Variants in BRIP1 observed in about 807,000 individuals in gnomAD.
BRIP1 encodes BRCA1 interacting DNA helicase 1.
A neutral mutation model predicts 119.7 loss-of-function variants in BRIP1; 88 were observed. The observed-to-expected ratio is 0.74, with a 90% confidence interval of 0.62 to 0.88. The LOEUF (loss-of-function observed/expected upper bound fraction) is 0.88, where lower values mean the gene tolerates loss of function less well. Among genes scored for constraint, BRIP1 ranks in the 40% least tolerant of loss-of-function variants. The pLI is 0.00. For synonymous variants in BRIP1, 443 were observed against 496.5 expected, an observed-to-expected ratio of 0.89 and a Z score of 1.43; for missense variants, 1,259 against 1,455.4, an observed-to-expected ratio of 0.87 and a Z score of 2.20.
At chr17:61,782,718 CA>C (rs71150700) in intron 11 of BRIP1, among the ~76,000 whole-genome samples, 150,309 of 152,248 alleles carry the variant, frequency 0.99, 74,229 homozygotes, top group Non-Finnish European at 1. Context: ...GATATTTCTC[CA>C]AAAAAAGACA....
chr17:61,748,306 C>G lies in BRIP1; in HGVS notation c.2098-3715G>C, dbSNP rs865842714. Among the ~76,000 whole-genome samples the G allele has an allele frequency of 8.5e-5, 13 of 152,272 alleles. No homozygotes were observed. In the Middle Eastern group the frequency reaches 0.014, roughly 159 times the overall value. ...GAACAGTTTCATCCCGAAACCATCA[C>G]CCCCACCCCCAACCCAGGTCTGTGG... On this transcript the variant is annotated intron_variant, in intron 14 of 19. Coordinates refer to ENST00000259008, the MANE Select transcript of BRIP1 (RefSeq NM_032043.3). This position sits in a 1 kb window ranked among gnomAD's most constrained non-coding sequence, Gnocchi z 4.7.
At chr17:61,787,004 T>G (rs1182745147) in intron 10 of BRIP1, among the ~76,000 whole-genome samples, 2 of 116,872 alleles carry the variant, frequency 1.7e-5, no homozygotes, top group Admixed American at 1.0e-4. Context: ...ATAAATAATT[T>G]TATAAAATTA....
intron 14 of BRIP1, among the ~76,000 whole-genome samples, chr17:61,765,410 TATATATATATA>T (rs1257906195): frequency 1.0e-3 from 18 of 17,368 alleles, no homozygotes; most frequent in African/African-American, 2.7e-3. Context: ...TATATATATA[TATATATATATA>T]TATTTTTTTT....
At position 61,689,135 on chromosome 17, in the gene BRIP1, CCT is replaced by C. The variant is rs1293545418; in HGVS notation, c.2576-2972_2576-2971del. The stretch of plus-strand genomic sequence containing the variant: ...CTCGGCTCACTGAAACCTCCGCCTC[CCT>C]GATTCAAGCGATTCTCCTGCCTCGG... On this transcript the variant is annotated intron_variant, in intron 18 of 19. Coordinates refer to ENST00000259008, the MANE Select transcript of BRIP1 (RefSeq NM_032043.3). This position sits in a 1 kb window ranked among gnomAD's most constrained non-coding sequence, Gnocchi z 4.5. Among the ~76,000 whole-genome samples, 4 of 151,634 alleles carry C rather than the reference CCT, an allele frequency of 2.6e-5. No homozygotes were observed. The highest frequency in any genetic ancestry group is 9.7e-5 in the African/African-American group (4 of 41,168).
rs927542991 is a variant in BRIP1 at position 61,824,780 on chromosome 17, T to A, written c.628-16023A>T. On this transcript the variant is annotated intron_variant, in intron 6 of 19. Coordinates refer to ENST00000259008, the MANE Select transcript of BRIP1 (RefSeq NM_032043.3). This position sits in a 1 kb window ranked among gnomAD's most constrained non-coding sequence, Gnocchi z 4.3. ...GAAAATTAAAAACGTTTATGTATCA[T>A]AGACCACCATCAACAGAGTAAAAAT... Among the ~76,000 whole-genome samples the A allele has an allele frequency of 6.6e-6, 1 of 152,234 alleles. No homozygotes were observed. Among genetic ancestry groups the A allele is most frequent in the East Asian group, 1.9e-4 (1 of 5,196 alleles).
At chr17:61,694,378 C>T (rs2061493122) in intron 17 of BRIP1, among the ~76,000 whole-genome samples, 1 of 152,092 alleles carries the variant, frequency 6.6e-6, no homozygotes, top group African/African-American at 2.4e-5. Context: ...TTTCACTGAA[C>T]ATGATGTTTT....
In BRIP1 at chr17:61,839,172, A is replaced by G. The variant is rs1320923002; in HGVS notation, c.627+7929T>C. Reference sequence around the variant, plus strand: ...TTCTTATATTACATTCTTGGAAATAATTAGTCCTTGTTCTCTGAAAACCTA... The same window carrying G: ...TTCTTATATTACATTCTTGGAAATAGTTAGTCCTTGTTCTCTGAAAACCTA... On this transcript the variant is annotated intron_variant, in intron 6 of 19. Transcript: ENST00000259008. 2.0e-5 allele frequency among the ~76,000 whole-genome samples: 3 copies of G among 152,052 alleles called. No homozygotes were observed. The East Asian group carries it at 5.8e-4, about 29-fold the overall frequency.
intron 16 of BRIP1, among the ~76,000 whole-genome samples, chr17:61,737,801 A>G (rs1313037690): frequency 6.6e-6 from 1 of 152,200 alleles, no homozygotes; most frequent in Non-Finnish European, 1.5e-5. Context: ...GATAACTAAC[A>G]AATACCTTTT....
chr17:61,821,672 G>A (rs2078328232), intron 6 of BRIP1, among the ~76,000 whole-genome samples: 1 of 151,858 alleles, frequency 6.6e-6, no homozygotes, highest in African/African-American at 2.4e-5. Flanking sequence ...TGGGACTATA[G>A]GCACATGCTA....
At position 61,722,496 on chromosome 17, in the gene BRIP1, T is replaced by C. The variant is rs1441148279; in HGVS notation, c.2380-6433A>G. On this transcript the variant is annotated intron_variant, in intron 16 of 19. Transcript: ENST00000259008. The surrounding 1 kb of genome is among the most constrained non-coding windows in gnomAD (Gnocchi z 4.6). ...AAGTACTTTTAAAATTCTGTCCAGC[T>C]GGGAAAAATATATGTATTTCCTACC... is the stretch of plus-strand genomic sequence containing the variant. 6.6e-6 allele frequency among the ~76,000 whole-genome samples: 1 copy of C among 152,254 alleles called. No individual in the cohort carries two copies. The highest frequency in any genetic ancestry group is 1.9e-4 in the East Asian group (1 of 5,206).
chr17:61,733,091 A>G (rs2076871640), intron 16 of BRIP1, among the ~76,000 whole-genome samples: 1 of 152,242 alleles, frequency 6.6e-6, no homozygotes, highest in South Asian at 2.1e-4. Context: ...TCTGAAGTCA[A>G]GTTCCTCTTG....
rs2077039244 is a variant in BRIP1 at position 61,744,866 on chromosome 17, C to T, written c.2098-275G>A. Among the ~76,000 whole-genome samples the T allele has an allele frequency of 6.6e-6, 1 of 151,600 alleles. No homozygotes were observed. Among genetic ancestry groups the T allele is most frequent in the South Asian group, 2.1e-4 (1 of 4,826 alleles). On this transcript the variant is annotated intron_variant, in intron 14 of 19. Coordinates refer to ENST00000259008, the MANE Select transcript of BRIP1 (RefSeq NM_032043.3). The surrounding 1 kb of genome is among the most constrained non-coding windows in gnomAD (Gnocchi z 5.0). ...ATTTCTACCACTACTACTGCTACTA[C>T]TACTATTACTACTACTACTTCTACT... is the stretch of plus-strand genomic sequence containing the variant.
chr17:61,688,070 T>C (rs767399898), intron 18 of BRIP1, among the ~76,000 whole-genome samples: 11 of 152,340 alleles, frequency 7.2e-5, no homozygotes, highest in Non-Finnish European at 1.3e-4. Context: ...GCCTGGAGTG[T>C]GCATCCAACA....
Position 61,679,481 on chromosome 17 carries a change from TC to T in BRIP1, c.*3814del, listed in dbSNP as rs1311366008. On this transcript the variant is annotated 3_prime_UTR_variant, in exon 20 of 20. Coordinates refer to ENST00000259008, the MANE Select transcript of BRIP1 (RefSeq NM_032043.3). The surrounding 1 kb of genome is among the most constrained non-coding windows in gnomAD (Gnocchi z 4.4). ...GCCTGTGTGCTCTATATACTTTCAG[TC>T]CTTGAATAAATTCAGTATTAGATAA... is the stretch of plus-strand genomic sequence containing the variant. Among the ~76,000 whole-genome samples, 1 of 152,224 alleles carries T rather than the reference TC, an allele frequency of 6.6e-6. No homozygotes were observed. The highest frequency in any genetic ancestry group is 1.9e-4 in the East Asian group (1 of 5,200).
In BRIP1 at chr17:61,823,555, AAAG is replaced by A. The variant is rs984696815; in HGVS notation, c.628-14801_628-14799del. On this transcript the variant is annotated intron_variant, in intron 6 of 19. Transcript: ENST00000259008. The surrounding 1 kb of genome is among the most constrained non-coding windows in gnomAD (Gnocchi z 4.8). ...ATAGAAGGTAGACAAAATGAAGCAC[AAAG>A]AAGAAAAAATAGCTTAAAAAATGAA... 2.0e-5 allele frequency among the ~76,000 whole-genome samples: 3 copies of A among 152,216 alleles called. No homozygotes were observed. The highest frequency in any genetic ancestry group is 2.9e-5 in the Non-Finnish European group (2 of 68,040).
intron 16 of BRIP1, among the ~76,000 whole-genome samples, chr17:61,737,153 G>T (rs1432992010): frequency 6.6e-6 from 1 of 150,822 alleles, no homozygotes; most frequent in Non-Finnish European, 1.5e-5. Context: ...AAATGATGAA[G>T]GATTGAGGAA....
intron 11 of BRIP1, among the ~76,000 whole-genome samples, chr17:61,781,963 C>A (rs1452755159): frequency 6.6e-6 from 1 of 150,456 alleles, no homozygotes; most frequent in Non-Finnish European, 1.5e-5. Flanking sequence ...TCTACCATGT[C>A]TTCGCTATAG....
intron 4 of BRIP1, among the ~76,000 whole-genome samples, chr17:61,854,838 T>G (rs2078873243): frequency 6.6e-6 from 1 of 152,160 alleles, no homozygotes; most frequent in Non-Finnish European, 1.5e-5. Flanking sequence ...TCACAGTATC[T>G]GTCTTTGTAA....
At position 61,695,302 on chromosome 17, in the gene BRIP1, G is replaced by A. The variant is rs965108486; in HGVS notation, c.2493-1790C>T. On this transcript the variant is annotated intron_variant, in intron 17 of 19. Coordinates refer to ENST00000259008, the MANE Select transcript of BRIP1 (RefSeq NM_032043.3). This position sits in a 1 kb window ranked among gnomAD's most constrained non-coding sequence, Gnocchi z 4.3. ...TGTCAAAAACCAGTTCACTGTAGATGTATGAATTTGTTTATGGACCCTCAA... is the reference window on the plus strand; with the variant it reads ...TGTCAAAAACCAGTTCACTGTAGATATATGAATTTGTTTATGGACCCTCAA... Among the ~76,000 whole-genome samples the A allele has an allele frequency of 6.6e-6, 1 of 152,096 alleles. No homozygotes were observed. The highest frequency in any genetic ancestry group is 1.5e-5 in the Non-Finnish European group (1 of 67,966).
Sources: gnomAD v4.1 joint callset for allele counts (sites outside exome capture counted in the v4.1 genomes callset) on GRCh38, gnomAD v4.1.1 for gene constraint, Gnocchi (gnomAD v3.1) non-coding constraint, MANE v1.5 for transcripts, NCBI Gene and HGNC (gene_info 2026-07-23, HGNC 2026-07-21) for gene names.